The following SI variants were observed in gnomAD, a reference collection of about 807,000 sequenced individuals.
SI encodes the protein sucrase-isomaltase.
Under a neutral mutation model 253.3 loss-of-function variants are expected in SI, and 235 were observed. The ratio of observed to expected loss-of-function variants is 0.93; its 90% CI spans 0.83 to 1.03. SI has a LOEUF of 1.03. Among genes scored for constraint, SI ranks in the 50% least tolerant of loss-of-function variants. The probability of loss-of-function intolerance (pLI) is 0.00; values close to 1 mark genes in which losing one functional copy is unlikely to be tolerated. For synonymous variants in SI, 819 were observed against 712.0 expected (o/e 1.15, Z -2.39); for missense variants, 2,442 against 2,211.1 (o/e 1.10, Z -2.09).
intron 3 of SI, 84 bp downstream of exon 3, chr3:165,074,443 TTAAA>T (rs1270287506): frequency 4.9e-6 from 4 of 809,290 alleles, no homozygotes; most frequent in Non-Finnish European, 7.3e-6. Flanking sequence ...TAGATCTTTA[TTAAA>T]TAAGATCGAT....
At chr3:165,081,896 G>A (rs995322150), upstream of SI, among the ~76,000 whole-genome samples, 2 of 151,954 alleles carry the variant, frequency 1.3e-5, no homozygotes, top group South Asian at 4.1e-4. Flanking sequence ...AAATTCAGGG[G>A]CAAGACACCA....
chr3:164,998,653 C>G lies in SI; in HGVS notation c.4427G>C (p.Gly1476Ala), dbSNP rs758043919. 117 of 1,611,298 alleles carry G rather than the reference C, an allele frequency of 7.3e-5. No homozygotes were observed. Among genetic ancestry groups the G allele is most frequent in the Admixed American group, 1.2e-4 (7 of 59,720 alleles). ...PTHDALQKTT[G>A]KRGIVISRST... ...ACGAGAAATTACAATCCCTCTTTTT[C>G]CAGTTGTCTTCTGCAATGCACTAAT... The change falls in exon 38 of 48, where the codon GGA (glycine) becomes GCA (alanine). Residue 1476 changes from glycine to alanine, a missense_variant. Physicochemically the swap from Gly to Ala is moderately conservative, Grantham distance 60 (BLOSUM62 0). Transcript: ENST00000264382.
At chr3:165,069,851 G>T (rs1038683363) in intron 3 of SI, among the ~76,000 whole-genome samples, 9 of 151,486 alleles carry the variant, frequency 5.9e-5, no homozygotes, top group Non-Finnish European at 7.4e-5. Flanking sequence ...GTGATGCTAT[G>T]CATGAATAGC....
chr3:165,076,979 T>C (rs903459019), intron 1 of SI, among the ~76,000 whole-genome samples: 1 of 111,304 alleles, frequency 9.0e-6, no homozygotes, highest in Non-Finnish European at 1.9e-5. Context: ...TCACGGTTTG[T>C]TTTTTTTTTT....
chr3:165,045,995 G>A (rs760840301), intron 16 of SI, among the ~76,000 whole-genome samples: 10 of 151,170 alleles, frequency 6.6e-5, no homozygotes, highest in South Asian at 4.2e-4. Context: ...CATCATGCCC[G>A]TCTTTTGGTA....
intron 2 of SI, among the ~76,000 whole-genome samples, chr3:165,075,366 G>T (rs774635875): frequency 2.0e-5 from 3 of 151,872 alleles, no homozygotes; most frequent in Non-Finnish European, 4.4e-5. Context: ...TCAGCATTCC[G>T]TATGTACCAA....
In SI at chr3:165,036,411, GAA is replaced by G. The variant is rs938202220; in HGVS notation, c.2491_2492del (p.Phe831LeufsTer3). ...GENNTAKGDF[F>X]WDDGETKDTI... ...TACCTTTAGTTTCTCCATCATCCCA[GAA>G]AAAGTCTCCTTTGGCTGTGTTGTTT... is the stretch of plus-strand genomic sequence containing the variant. On this transcript the variant is annotated frameshift_variant, in exon 22 of 48. Coordinates refer to ENST00000264382, the MANE Select transcript of SI (RefSeq NM_001041.4). LOFTEE classifies it high-confidence loss of function. 1.9e-6 allele frequency: 3 copies of G among 1,610,636 alleles called. No homozygotes were observed. The highest frequency in any genetic ancestry group is 2.7e-5 in the African/African-American group (2 of 74,768).
intron 45 of SI, among the ~76,000 whole-genome samples, chr3:164,984,337 G>C (rs1259884388): frequency 6.6e-6 from 1 of 151,966 alleles, no homozygotes. Flanking sequence ...TACTAAAATG[G>C]ATATTCTGCC....
intron 36 of SI, 94 bp from the exon 37 acceptor site, chr3:165,007,048 T>G: frequency 1.1e-6 from 1 of 919,056 alleles, no homozygotes; most frequent in Non-Finnish European, 1.7e-6. Context: ...ACAAAGAAAT[T>G]AATCAGTGTT....
At chr3:165,038,121 T>C (rs1712628197) in intron 20 of SI, 97 bp from the exon 21 acceptor site, 2 of 1,145,848 alleles carry the variant, frequency 1.7e-6, no homozygotes, top group African/African-American at 1.5e-5. Context: ...GAGCAATTCA[T>C]GTCATCCAAA....
the SI span, among the ~76,000 whole-genome samples, chr3:165,084,325 A>G: frequency 1.3e-5 from 2 of 152,042 alleles, no homozygotes; most frequent in Non-Finnish European, 1.5e-5. Flanking sequence ...AGTTTGTGGT[A>G]TTTTGTTACA....
At chr3:165,044,921 T>C (rs1373247891) in intron 16 of SI, among the ~76,000 whole-genome samples, 16 of 152,086 alleles carry the variant, frequency 1.1e-4, no homozygotes, top group Non-Finnish European at 1.9e-4. Flanking sequence ...GGACTGTTTA[T>C]TGTGCATGGT....
At position 164,991,425 on chromosome 3, in the gene SI, T is replaced by A; in HGVS notation, c.5036A>T (p.Asp1679Val). The A allele has an allele frequency of 6.2e-7, 1 of 1,613,642 alleles. No individual in the cohort carries two copies. Among genetic ancestry groups the A allele is most frequent in the Non-Finnish European group, 8.5e-7 (1 of 1,179,652 alleles). ...GQFQTFNASY[D>V]TINLHVRGGH... ...ACCACGGACATGTAGGTTTATTGTG[T>A]CATAAGAAGCATTAAATGTTTGAAA... Residue 1679 changes from aspartate (D) to valine (V), a missense_variant, in exon 44 of 48, where the codon GAC (aspartate) becomes GTC (valine). Asp to Val is a radical substitution (Grantham distance 152). Coordinates refer to ENST00000264382, the MANE Select transcript of SI (RefSeq NM_001041.4).
In SI at chr3:165,074,669, T is replaced by C; in HGVS notation, c.119-2A>G. ...GAGTTGAAGTAGAATCACTAATTTC[T>C]GGGGGAGGAAAAAACTCAATAAAAT... is the stretch of plus-strand genomic sequence containing the variant. On this transcript the variant is annotated splice_acceptor_variant, in intron 2 of 47. Transcript: ENST00000264382. LOFTEE classifies it high-confidence loss of function. The C allele has an allele frequency of 6.2e-7, 1 of 1,607,724 alleles. No homozygotes were observed. Among genetic ancestry groups the C allele is most frequent in the Non-Finnish European group, 8.5e-7 (1 of 1,175,188 alleles).
intron 10 of SI, 148 bp downstream of exon 10, chr3:165,059,754 G>A: frequency 3.7e-6 from 3 of 817,628 alleles, no homozygotes; most frequent in Admixed American, 4.2e-5. Context: ...TTACATATGA[G>A]ATAAAATATA....
At chr3:165,037,861 AT>A in intron 21 of SI, 38 bp downstream of exon 21, 1 of 1,370,240 alleles carries the variant, frequency 7.3e-7, no homozygotes. Context: ...TAAGATTTGA[AT>A]TTTATTTTAG....
chr3:165,036,417 G>A lies in SI; in HGVS notation c.2487C>T (p.Asp829=). The stretch of plus-strand genomic sequence containing the variant: ...TAGTTTCTCCATCATCCCAGAAAAA[G>A]TCTCCTTTGGCTGTGTTGTTTTCAC... The part of the protein sequence containing the change: ...ALGENNTAKG[D]FFWDDGETKD... The change falls in exon 22 of 48, where the codon GAC becomes GAT. Residue 829 remains aspartate, a synonymous_variant. Transcript: ENST00000264382. The A allele has an allele frequency of 6.2e-7, 1 of 1,611,194 alleles. No individual in the cohort carries two copies. Among genetic ancestry groups the A allele is most frequent in the Non-Finnish European group, 8.5e-7 (1 of 1,178,092 alleles).
the SI span, among the ~76,000 whole-genome samples, chr3:165,088,620 G>A: frequency 3.9e-5 from 6 of 151,966 alleles, no homozygotes; most frequent in Admixed American, 6.6e-5. Context: ...CAGCCTGGGC[G>A]ACAGAGTGAA....
In SI at chr3:165,069,186, C is replaced by T; in HGVS notation, c.265G>A (p.Ala89Thr). The change falls in exon 4 of 48, where the codon GCA becomes ACA. Residue 89 changes from alanine to threonine, a missense_variant. Physicochemically the swap from Ala to Thr is moderately conservative, Grantham distance 58. Coordinates refer to ENST00000264382, the MANE Select transcript of SI (RefSeq NM_001041.4). The stretch of plus-strand genomic sequence containing the variant: ...GGCCTCCAGCAGCAGCCTCTCTGTG[C>T]ACAAATTCCCTGATAAAATATTTTT... ...PEQFPTEGIC[A>T]QRGCCWRPWN... 1 of 1,602,804 alleles carries T rather than the reference C, an allele frequency of 6.2e-7. No individual in the cohort carries two copies. Among genetic ancestry groups the T allele is most frequent in the South Asian group, 1.1e-5 (1 of 90,816 alleles).
Sources: allele counts gnomAD v4.1 joint callset (sites outside exome capture counted in the v4.1 genomes callset), GRCh38; gene constraint gnomAD v4.1.1; transcripts MANE v1.5; gene names NCBI Gene and HGNC (gene_info 2026-07-23, HGNC 2026-07-21).